C18orf63: variants seen among roughly 807,000 people sequenced by gnomAD.
C18orf63 encodes the protein uncharacterized protein C18orf63.
A neutral mutation model predicts 75.3 loss-of-function variants in C18orf63; 50 were observed. That is an observed-to-expected ratio of 0.66 (90% confidence interval 0.53 to 0.84). C18orf63 has a LOEUF of 0.84. Among genes scored for constraint, C18orf63 ranks in the 40% least tolerant of loss-of-function variants. The pLI, the probability that C18orf63 is intolerant of heterozygous loss-of-function variation, is 0.00. For synonymous variants in C18orf63, 232 were observed against 267.6 expected, an observed-to-expected ratio of 0.87 and a Z score of 1.30; for missense variants, 732 against 800.2, an observed-to-expected ratio of 0.91 and a Z score of 1.03.
chr18:74,344,599 T>A (rs1247435331), intron 11 of C18orf63, among the ~76,000 whole-genome samples: 1 of 152,132 alleles, frequency 6.6e-6, no homozygotes, highest in East Asian at 1.9e-4. Context: ...TTCGTTTTTA[T>A]CAACTAAGTA....
In C18orf63 at chr18:74,323,873, A is replaced by G. The variant is rs73970141; in HGVS notation, c.270+1119A>G. 6.5e-3 allele frequency among the ~76,000 whole-genome samples: 987 copies of G among 152,252 alleles called. 9 individuals carry two copies. Among genetic ancestry groups the G allele is most frequent in the African/African-American group, 0.022 (933 of 41,542 alleles). ...TACTCCAGGTTCCTGCCACATCCCA[A>G]ATATGCACACATTAAGTGAATTGGC... is the stretch of plus-strand genomic sequence containing the variant. On this transcript the variant is annotated intron_variant, in intron 4 of 13. Coordinates refer to ENST00000579455, the MANE Select transcript of C18orf63 (RefSeq NM_001174123.2).
intron 8 of C18orf63, among the ~76,000 whole-genome samples, chr18:74,339,402 T>C (rs1392125835): frequency 6.6e-6 from 1 of 152,136 alleles, no homozygotes; most frequent in East Asian, 1.9e-4. Flanking sequence ...GGTGGAAAAA[T>C]TTATTAGTCA....
chr18:74,347,862 C>T (rs1984599961), intron 11 of C18orf63, among the ~76,000 whole-genome samples: 2 of 152,268 alleles, frequency 1.3e-5, no homozygotes, highest in South Asian at 4.2e-4. Context: ...TCATGTGCTT[C>T]TCATCTAGTT....
chr18:74,323,166 A>G (rs1412165856), intron 4 of C18orf63, among the ~76,000 whole-genome samples: 1 of 152,208 alleles, frequency 6.6e-6, no homozygotes, highest in African/African-American at 2.4e-5. Flanking sequence ...TACAGTGGTT[A>G]GTATTCATTT....
At position 74,329,126 on chromosome 18, in the gene C18orf63, C is replaced by T. The variant is rs140399974; in HGVS notation, c.424+90C>T. The T allele has an allele frequency of 3.8e-3, 3,189 of 836,770 alleles. 48 individuals are homozygous for T. The African/African-American group carries it at 0.042, about 11-fold the overall frequency. 51.8% of individuals were successfully genotyped at this position (836,770 alleles called of 1,614,324 possible). A position where few individuals can be genotyped will look rare whatever the true frequency, so the allele number is the denominator to read the frequency against. On this transcript the variant is annotated intron_variant, in intron 6 of 13. Transcript: ENST00000579455. ...ATCATATGCTGGGCACAGTGGCTCACGCCTGTAATCCCAACGGTTTGGGAG... is the reference window on the plus strand; with the variant it reads ...ATCATATGCTGGGCACAGTGGCTCATGCCTGTAATCCCAACGGTTTGGGAG...
intron 3 of C18orf63, among the ~76,000 whole-genome samples, chr18:74,320,952 G>A (rs1984110543): frequency 6.6e-6 from 1 of 151,978 alleles, no homozygotes; most frequent in African/African-American, 2.4e-5. Flanking sequence ...ATCTCCAGTT[G>A]TTTTTAAAGA....
chr18:74,322,796 A>AT, intron 4 of C18orf63, 42 bp downstream of exon 4: 2 of 826,692 alleles, frequency 2.4e-6, no homozygotes, highest in Non-Finnish European at 3.6e-6. Context: ...TGTTGTTTAT[A>AT]GGGATTATAC....
intron 11 of C18orf63, among the ~76,000 whole-genome samples, chr18:74,344,280 A>G (rs1984535748): frequency 6.6e-6 from 1 of 152,166 alleles, no homozygotes; most frequent in Non-Finnish European, 1.5e-5. Flanking sequence ...AAGCTGTTGA[A>G]GACTTAACTT....
At chr18:74,327,335 T>C (rs560074613) in intron 4 of C18orf63, among the ~76,000 whole-genome samples, 1 of 152,338 alleles carries the variant, frequency 6.6e-6, no homozygotes, top group Non-Finnish European at 1.5e-5. Context: ...ACCTTAGTTA[T>C]AGATTAAAAG....
intron 3 of C18orf63, among the ~76,000 whole-genome samples, chr18:74,321,438 A>G (rs1348563553): frequency 2.0e-5 from 3 of 151,868 alleles, no homozygotes; most frequent in Non-Finnish European, 4.4e-5. Flanking sequence ...TCGAGTAGCT[A>G]GGACTACAGG....
chr18:74,349,681 C>T (rs1233984432), intron 11 of C18orf63, among the ~76,000 whole-genome samples: 2 of 152,064 alleles, frequency 1.3e-5, no homozygotes, highest in African/African-American at 2.4e-5. Context: ...CCCCCACCAC[C>T]CCGGTCCATG....
chr18:74,329,975 T>G (rs1984276699), intron 6 of C18orf63, among the ~76,000 whole-genome samples: 1 of 152,162 alleles, frequency 6.6e-6, no homozygotes, highest in African/African-American at 2.4e-5. Context: ...TAGATCTGGG[T>G]TGACTTTCCA....
chr18:74,354,385 A>C (rs1478416327), intron 12 of C18orf63, 72 bp from the exon 13 acceptor site: 2 of 1,240,014 alleles, frequency 1.6e-6, no homozygotes, highest in African/African-American at 3.0e-5. Flanking sequence ...AATAAACAGA[A>C]TATCTACCCT....
chr18:74,350,263 C>T (rs1055221202), intron 11 of C18orf63, among the ~76,000 whole-genome samples: 2 of 152,120 alleles, frequency 1.3e-5, no homozygotes, highest in Non-Finnish European at 1.5e-5. Context: ...TCTGTTCTCT[C>T]CAGAAGTGTA....
At chr18:74,320,425 C>G in intron 2 of C18orf63, 88 bp from the exon 3 acceptor site, 1 of 882,988 alleles carries the variant, frequency 1.1e-6, no homozygotes, top group East Asian at 2.8e-5. Context: ...CTTGCCAACA[C>G]TGGGGATTAT....
At chr18:74,331,668 T>A (rs1984309527) in intron 7 of C18orf63, among the ~76,000 whole-genome samples, 1 of 152,172 alleles carries the variant, frequency 6.6e-6, no homozygotes, top group Non-Finnish European at 1.5e-5. Flanking sequence ...ACAGCCATCT[T>A]ATCCCCACCC....
Position 74,330,952 on chromosome 18 carries a change from A to G in C18orf63, c.501+10A>G. ...ACTGCCAGCACCTGAGGTACCATATATTGTGATTTCTATACTTTATTATAT... is the reference window on the plus strand; with the variant it reads ...ACTGCCAGCACCTGAGGTACCATATGTTGTGATTTCTATACTTTATTATAT... On this transcript the variant is annotated intron_variant, in intron 7 of 13. Coordinates refer to ENST00000579455, the MANE Select transcript of C18orf63 (RefSeq NM_001174123.2). The G allele has an allele frequency of 1.6e-6, 2 of 1,285,844 alleles. No individual in the cohort carries two copies. Among genetic ancestry groups the G allele is most frequent in the Non-Finnish European group, 2.1e-6 (2 of 957,610 alleles). The allele number at this position is 1,285,844 out of a possible 1,614,324, so 79.7% of individuals were successfully genotyped here.
intron 7 of C18orf63, among the ~76,000 whole-genome samples, chr18:74,334,537 G>GT (rs112346136): frequency 2.8e-4 from 42 of 152,148 alleles, no homozygotes; most frequent in African/African-American, 9.6e-4. Context: ...TTTTTTGTTT[G>GT]TTTTTTGTTT....
At chr18:74,327,859 A>T (rs1290061596) in intron 4 of C18orf63, 88 bp from the exon 5 acceptor site, 1 of 760,190 alleles carries the variant, frequency 1.3e-6, no homozygotes, top group Admixed American at 2.1e-5. Context: ...TTGGGTGGTG[A>T]TCTAAATGGG....
Sources: allele counts gnomAD v4.1 joint callset (sites outside exome capture counted in the v4.1 genomes callset), GRCh38; gene constraint gnomAD v4.1.1; transcripts MANE v1.5; gene names NCBI Gene and HGNC (gene_info 2026-07-23, HGNC 2026-07-21).